The following DNAJC17 variants were observed in gnomAD, a reference collection of about 807,000 sequenced individuals.
DNAJC17 encodes dnaJ homolog subfamily C member 17.
A neutral mutation model predicts 48.1 loss-of-function variants in DNAJC17; 35 were observed. That is an observed-to-expected ratio of 0.73 (90% CI 0.56 to 0.96). The LOEUF (loss-of-function observed/expected upper bound fraction) is 0.96. Ranked by LOEUF, DNAJC17 falls within the 50% of genes least tolerant of loss-of-function variation. The pLI is 0.00. For synonymous variants in DNAJC17, 117 were observed against 142.7 expected (o/e 0.82, Z 1.28); for missense variants, 355 against 377.1 (o/e 0.94, Z 0.48).
intron 1 of DNAJC17, among the ~76,000 whole-genome samples, chr15:40,783,862 C>CA (rs1439729798): frequency 6.6e-6 from 1 of 151,232 alleles, no homozygotes; most frequent in Non-Finnish European, 1.5e-5. Context: ...GGCTCTGTCT[C>CA]AAAAAAATAA....
intron 1 of DNAJC17, among the ~76,000 whole-genome samples, chr15:40,791,924 T>C (rs1889817389): frequency 6.6e-6 from 1 of 152,038 alleles, no homozygotes; most frequent in South Asian, 2.1e-4. Flanking sequence ...ATATAAGAGG[T>C]TCTGGGAAAA....
chr15:40,779,160 A>G (rs1889409460), intron 4 of DNAJC17, 63 bp downstream of exon 4: 3 of 1,492,710 alleles, frequency 2.0e-6, no homozygotes, highest in Non-Finnish European at 1.9e-6. Flanking sequence ...GCTTCAGGTG[A>G]GGGAGATGAA....
Position 40,767,576 on chromosome 15 carries a change from G to A in DNAJC17, c.*364C>T, listed in dbSNP as rs1227840068. On this transcript the variant is annotated 3_prime_UTR_variant, in exon 11 of 11. Transcript: ENST00000220496. ...GTGCTCCCAGCTGCCCTCCTGCTTC[G>A]GGCCTGGGCCGAGGGCCTTGTGTAG... 3.3e-6 allele frequency: 2 copies of A among 604,214 alleles called. No individual in the cohort carries two copies. The highest frequency in any genetic ancestry group is 5.5e-6 in the Non-Finnish European group (2 of 364,546). 37.4% of individuals were successfully genotyped at this position (604,214 alleles called of 1,614,324 possible).
chr15:40,768,779 G>T (rs2141943130), intron 10 of DNAJC17, among the ~76,000 whole-genome samples: 1 of 152,382 alleles, frequency 6.6e-6, no homozygotes, highest in South Asian at 2.1e-4. Flanking sequence ...AAGGTCTGCG[G>T]TGGGAATTAA....
At chr15:40,789,930 AAGAAAAG>A (rs1889751787) in intron 1 of DNAJC17, among the ~76,000 whole-genome samples, 1 of 147,424 alleles carries the variant, frequency 6.8e-6, no homozygotes, top group African/African-American at 2.5e-5. Context: ...AAAAAAAAAA[AAGAAAAG>A]AAAAGAAATG....
At chr15:40,771,034 G>A (rs1258612348) in intron 10 of DNAJC17, 2 of 1,549,284 alleles carry the variant, frequency 1.3e-6, no homozygotes, top group Non-Finnish European at 1.7e-6. Flanking sequence ...ATGGGGTGAG[G>A]GTGGGCAAAG....
chr15:40,793,142 C>T (rs1169983298), intron 1 of DNAJC17, among the ~76,000 whole-genome samples: 2 of 146,820 alleles, frequency 1.4e-5, no homozygotes, highest in East Asian at 3.9e-4. Flanking sequence ...ATCTGCCCGC[C>T]TCGGCCTCCC....
intron 4 of DNAJC17, 68 bp downstream of exon 4, chr15:40,779,155 A>G (rs771540868): frequency 6.8e-7 from 1 of 1,466,172 alleles, no homozygotes; most frequent in South Asian, 1.1e-5. Flanking sequence ...GTGAAGCTTC[A>G]GGTGAGGGAG....
intron 5 of DNAJC17, 89 bp downstream of exon 5, chr15:40,776,453 C>T: frequency 6.5e-7 from 1 of 1,532,266 alleles, no homozygotes. Context: ...AAGAGCATGC[C>T]CTCTCTAGCC....
intron 4 of DNAJC17, 46 bp from the exon 5 acceptor site, chr15:40,776,673 C>G: frequency 6.2e-7 from 1 of 1,604,420 alleles, no homozygotes; most frequent in Non-Finnish European, 8.5e-7. Flanking sequence ...TGTTCAGTTT[C>G]CATGTGGCCT....
rs573785619 is a variant in DNAJC17, at chr15:40,775,657, G to A, written c.479-61C>T. On this transcript the variant is annotated intron_variant, in intron 6 of 10. Coordinates refer to ENST00000220496, the MANE Select transcript of DNAJC17 (RefSeq NM_018163.3). Reference sequence around the variant, plus strand: ...GAGGGAGTCAGAGATTCTCCCAAAGGAAATGCAGCCCAGAGCAAGAAGGGT... The same window carrying A: ...GAGGGAGTCAGAGATTCTCCCAAAGAAAATGCAGCCCAGAGCAAGAAGGGT... 2,346 of 1,547,048 alleles carry A rather than the reference G, an allele frequency of 1.5e-3. 3 individuals are homozygous for A. The highest frequency in any genetic ancestry group is 2.0e-3 in the Non-Finnish European group (2,191 of 1,120,338).
intron 1 of DNAJC17, among the ~76,000 whole-genome samples, chr15:40,784,806 A>G (rs536599674): frequency 1.3e-5 from 2 of 152,060 alleles, no homozygotes; most frequent in Admixed American, 6.6e-5. Flanking sequence ...AAAATATAAA[A>G]ATATCTCTGG....
rs1236310768 is a variant in DNAJC17 at position 40,766,262 on chromosome 15, T to C, written c.*1678A>G. 3 of 179,008 alleles carry C rather than the reference T, an allele frequency of 1.7e-5. No homozygotes were observed. Among genetic ancestry groups the C allele is most frequent in the Non-Finnish European group, 3.5e-5 (3 of 86,704 alleles). 11.1% of individuals were successfully genotyped at this position (179,008 alleles called of 1,614,324 possible). ...ACAGACAGGCACAGAGAGAAAGGTT[T>C]TTGTCGTGAGGATCTGCATGAGTCG... On this transcript the variant is annotated 3_prime_UTR_variant, in exon 11 of 11. Transcript: ENST00000220496.
chr15:40,807,035 C>CAAGGCAGAAGCGGAAACG, intron 1 of DNAJC17: 2 of 569,990 alleles, frequency 3.5e-6, no homozygotes, highest in South Asian at 4.5e-5. Context: ...TTGTCACAGT[C>CAAGGCAGAAGCGGAAACG]AAGGCAGAAG....
chr15:40,804,427 A>G (rs1890151462), intron 1 of DNAJC17, among the ~76,000 whole-genome samples: 1 of 150,960 alleles, frequency 6.6e-6, no homozygotes, highest in African/African-American at 2.4e-5. Context: ...AAAAAAAAAA[A>G]GCAAAAACAA....
rs79709714 is a variant in DNAJC17 at position 40,776,573 on chromosome 15, T to G, written c.350A>C (p.Glu117Ala). The G allele has an allele frequency of 0.027, 43,510 of 1,614,004 alleles. 697 individuals are homozygous for G. The highest frequency in any genetic ancestry group is 0.032 in the Non-Finnish European group (38,097 of 1,179,980). The change falls in exon 5 of 11, where the codon GAG becomes GCG. Residue 117 changes from glutamate to alanine, a missense_variant. Transcript: ENST00000220496. The part of the protein sequence containing the change: ...AQAQESEEEE[E>A]SRSTRTLEQE... ...CTCTAGTGTCCTGGTGCTCCGGCTC[T>G]CCTCTTCCTCCTCACTCTCCTGGGC...
At position 40,786,752 on chromosome 15, in the gene DNAJC17, T is replaced by C. The variant is rs1889653302; in HGVS notation, c.79-6755A>G. Reference sequence around the variant, plus strand: ...TCATGGCTTTTCAGAGGAGAAGCTCTTTCTAAGGCCCAGCCTCAGAAGGAC... The same window carrying C: ...TCATGGCTTTTCAGAGGAGAAGCTCCTTCTAAGGCCCAGCCTCAGAAGGAC... On this transcript the variant is annotated intron_variant, in intron 1 of 10. Coordinates refer to ENST00000220496, the MANE Select transcript of DNAJC17 (RefSeq NM_018163.3). Among the ~76,000 whole-genome samples, 2 of 152,212 alleles carry C rather than the reference T, an allele frequency of 1.3e-5. 1 individual carries two copies. The highest frequency in any genetic ancestry group is 4.1e-4 in the South Asian group (2 of 4,830).
chr15:40,782,320 T>C (rs944394555), intron 1 of DNAJC17, among the ~76,000 whole-genome samples: 5 of 151,668 alleles, frequency 3.3e-5, no homozygotes, highest in African/African-American at 9.7e-5. Flanking sequence ...ACTAAGGAGG[T>C]TGAGGAGGGA....
intron 1 of DNAJC17, among the ~76,000 whole-genome samples, chr15:40,790,168 CTG>C (rs1263543635): frequency 6.6e-6 from 1 of 152,184 alleles, no homozygotes; most frequent in East Asian, 1.9e-4. Flanking sequence ...AAATCTCTAT[CTG>C]TGTTACAGAT....
Sources: gnomAD v4.1 joint callset for allele counts (sites outside exome capture counted in the v4.1 genomes callset) on GRCh38, gnomAD v4.1.1 for gene constraint, MANE v1.5 for transcripts, NCBI Gene and HGNC (gene_info 2026-07-23, HGNC 2026-07-21) for gene names.